Variants in RNF220 observed in about 807,000 individuals in gnomAD.
RNF220 encodes the protein E3 ubiquitin-protein ligase RNF220.
A neutral mutation model predicts 67.1 loss-of-function variants in RNF220; 7 were observed. That is an observed-to-expected ratio of 0.10 (90% CI 0.06 to 0.20). The LOEUF is 0.20. RNF220 is among the 10% of genes least tolerant of loss of function. RNF220 has a pLI of 1.00. For synonymous variants in RNF220, 270 were observed against 283.2 expected, an observed-to-expected ratio of 0.95 and a Z score of 0.47; for missense variants, 565 against 740.3, an observed-to-expected ratio of 0.76 and a Z score of 2.75.
intron 2 of RNF220, among the ~76,000 whole-genome samples, chr1:44,579,933 G>A (rs1444753086): frequency 6.6e-6 from 1 of 150,412 alleles, no homozygotes; most frequent in Non-Finnish European, 1.5e-5. Context: ...GGGAGGCTAA[G>A]GTGAGAGGAT....
At chr1:44,451,883 T>C (rs1652724629) in intron 2 of RNF220, among the ~76,000 whole-genome samples, 1 of 152,188 alleles carries the variant, frequency 6.6e-6, no homozygotes, top group Non-Finnish European at 1.5e-5. Context: ...CCTCCCAAAG[T>C]GCTGGGATTA....
chr1:44,467,411 A>C (rs1057417052), intron 2 of RNF220, among the ~76,000 whole-genome samples: 1 of 152,166 alleles, frequency 6.6e-6, no homozygotes, highest in Non-Finnish European at 1.5e-5. Flanking sequence ...GGGTTTCTCC[A>C]TGTTGGTCAG....
chr1:44,433,653 T>C (rs927236149), intron 2 of RNF220, among the ~76,000 whole-genome samples: 3 of 152,240 alleles, frequency 2.0e-5, no homozygotes, highest in Admixed American at 1.3e-4. Context: ...GTAAATAGTT[T>C]ACTAAATTTG....
chr1:44,604,296 T>C (rs1480807441), intron 2 of RNF220, among the ~76,000 whole-genome samples: 1 of 152,182 alleles, frequency 6.6e-6, no homozygotes, highest in African/African-American at 2.4e-5. Flanking sequence ...CCCTTCACTG[T>C]AGTCTGTGAA....
At chr1:44,643,305 T>C (rs758231242) in intron 8 of RNF220, 4 of 152,234 alleles carry the variant, frequency 2.6e-5, no homozygotes, top group African/African-American at 4.8e-5. Flanking sequence ...ATGGAGTGAA[T>C]AGCATGAGCA....
intron 2 of RNF220, among the ~76,000 whole-genome samples, chr1:44,563,080 G>T (rs1034676899): frequency 6.6e-6 from 1 of 152,214 alleles, no homozygotes; most frequent in East Asian, 1.9e-4. Flanking sequence ...GAACCCAGAG[G>T]GGGATGCACT....
At chr1:44,519,176 G>T (rs1022052019) in intron 2 of RNF220, among the ~76,000 whole-genome samples, 1 of 152,110 alleles carries the variant, frequency 6.6e-6, no homozygotes, top group Non-Finnish European at 1.5e-5. Context: ...GCAGAGAAAG[G>T]CACAGTTGTC....
At chr1:44,601,011 T>A (rs976270810) in intron 2 of RNF220, among the ~76,000 whole-genome samples, 2 of 152,186 alleles carry the variant, frequency 1.3e-5, no homozygotes, top group Admixed American at 6.5e-5. Context: ...TTGGTACAAT[T>A]GCAATTTTAC....
chr1:44,599,944 G>A (rs1198554144), intron 2 of RNF220, among the ~76,000 whole-genome samples: 1 of 152,198 alleles, frequency 6.6e-6, no homozygotes, highest in Non-Finnish European at 1.5e-5. Context: ...GAATAGATTA[G>A]AGGGGAGAGA....
Position 44,622,637 on chromosome 1 carries a change from A to G in RNF220, c.759-105A>G. ...GAGCTTGGCTGAGCTGGGCTGGGCT[A>G]GGCGGTCTATGCCTTCTCTGTCTTT... On this transcript the variant is annotated intron_variant, in intron 3 of 14. Transcript: ENST00000361799. The surrounding 1 kb of genome is among the most constrained non-coding windows in gnomAD (Gnocchi z 4.3). 9.2e-6 allele frequency: 9 copies of G among 983,558 alleles called. No homozygotes were observed. The highest frequency in any genetic ancestry group is 2.4e-5 in the East Asian group (1 of 41,464). The allele number at this position is 983,558 out of a possible 1,614,324, so 60.9% of individuals were successfully genotyped here. A position where few individuals can be genotyped will look rare whatever the true frequency, so the allele number is the denominator to read the frequency against.
intron 2 of RNF220, among the ~76,000 whole-genome samples, chr1:44,499,508 C>T (rs1657638425): frequency 6.6e-6 from 1 of 152,160 alleles, no homozygotes; most frequent in Non-Finnish European, 1.5e-5. Context: ...TTCTAGGACA[C>T]ACCCTCTGTT....
At chr1:44,443,857 G>A (rs1238352452) in intron 2 of RNF220, among the ~76,000 whole-genome samples, 3 of 152,188 alleles carry the variant, frequency 2.0e-5, no homozygotes, top group African/African-American at 4.8e-5. Flanking sequence ...TTGGGAGGCC[G>A]AGGCAGGCGG....
chr1:44,588,619 T>C (rs912438749), intron 2 of RNF220, among the ~76,000 whole-genome samples: 1 of 130,056 alleles, frequency 7.7e-6, no homozygotes, highest in East Asian at 2.1e-4. Context: ...ATAATTAACA[T>C]TTAATGCCCC....
chr1:44,588,661 G>A (rs560012911), intron 2 of RNF220, among the ~76,000 whole-genome samples: 28 of 152,310 alleles, frequency 1.8e-4, no homozygotes, highest in African/African-American at 6.3e-4. Context: ...CCCATTAAGA[G>A]CACAGTATTG....
chr1:44,528,162 C>A (rs185466044), intron 2 of RNF220, among the ~76,000 whole-genome samples: 1 of 151,842 alleles, frequency 6.6e-6, no homozygotes, highest in Non-Finnish European at 1.5e-5. Context: ...AGAGTGCTTA[C>A]AAATCAATAA....
intron 2 of RNF220, among the ~76,000 whole-genome samples, chr1:44,459,173 A>G (rs1469446165): frequency 1.4e-5 from 2 of 147,664 alleles, no homozygotes; most frequent in African/African-American, 5.0e-5. Flanking sequence ...TACCATGGTG[A>G]TTCTTTTGGT....
intron 2 of RNF220, among the ~76,000 whole-genome samples, chr1:44,535,131 T>G (rs990462632): frequency 2.2e-5 from 3 of 135,858 alleles, no homozygotes; most frequent in South Asian, 2.7e-4. Context: ...GGAGGCAGCT[T>G]CTTCTTTTTT....
At chr1:44,559,665 C>T (rs772822977) in intron 2 of RNF220, among the ~76,000 whole-genome samples, 8 of 152,116 alleles carry the variant, frequency 5.3e-5, no homozygotes, top group East Asian at 1.9e-4. Flanking sequence ...GAGGGGGCCA[C>T]GGCCCTGACT....
intron 2 of RNF220, among the ~76,000 whole-genome samples, chr1:44,572,354 C>T (rs1572916071): frequency 6.6e-6 from 1 of 152,330 alleles, no homozygotes; most frequent in East Asian, 1.9e-4. Flanking sequence ...ATATTTGTTG[C>T]ATGTGATTGT....
Sources: gnomAD v4.1 joint callset for allele counts (sites outside exome capture counted in the v4.1 genomes callset) on GRCh38, gnomAD v4.1.1 for gene constraint, Gnocchi (gnomAD v3.1) non-coding constraint, MANE v1.5 for transcripts, NCBI Gene and HGNC (gene_info 2026-07-23, HGNC 2026-07-21) for gene names.